FAM13A: variants seen among roughly 807,000 people sequenced by gnomAD.
FAM13A encodes the protein protein FAM13A.
In FAM13A, 76 loss-of-function variants were observed where a neutral mutation model predicts 129.6. That is an observed-to-expected ratio of 0.59 (90% confidence interval 0.49 to 0.71). The LOEUF is 0.71. Ranked by LOEUF, FAM13A falls within the 30% of genes least tolerant of loss-of-function variation. The pLI is 0.00. For missense variants in FAM13A, 1,108 were observed against 1,249.3 expected, an observed-to-expected ratio of 0.89 and a Z score of 1.70; for synonymous variants, 443 against 449.9, an observed-to-expected ratio of 0.98 and a Z score of 0.20.
At chr4:88,799,480 CTTTTT>C (rs58865037) in intron 8 of FAM13A, among the ~76,000 whole-genome samples, 112 of 147,410 alleles carry the variant, frequency 7.6e-4, no homozygotes, top group African/African-American at 1.4e-3. Flanking sequence ...AACAATTCCA[CTTTTT>C]TTTTTTTTTT....
intron 5 of FAM13A, among the ~76,000 whole-genome samples, chr4:88,921,969 G>A (rs1751177104): frequency 6.6e-6 from 1 of 151,862 alleles, no homozygotes; most frequent in Non-Finnish European, 1.5e-5. Flanking sequence ...ATTACATAAT[G>A]GTAAAGGGAT....
At chr4:88,887,791 C>T (rs1460092762) in intron 6 of FAM13A, among the ~76,000 whole-genome samples, 2 of 152,150 alleles carry the variant, frequency 1.3e-5, no homozygotes, top group Non-Finnish European at 2.9e-5. Context: ...CCTTGGCCTC[C>T]CAACGTGCTG....
At chr4:88,882,730 A>G (rs1028615463) in intron 6 of FAM13A, among the ~76,000 whole-genome samples, 2 of 152,166 alleles carry the variant, frequency 1.3e-5, no homozygotes, top group African/African-American at 4.8e-5. Context: ...GGCAGAATGG[A>G]TAAGAATTCA....
chr4:89,014,944 C>T (rs1766263716), intron 3 of FAM13A, among the ~76,000 whole-genome samples: 1 of 152,214 alleles, frequency 6.6e-6, no homozygotes, highest in African/African-American at 2.4e-5. Context: ...TATTTGTCTT[C>T]TTTCGAAAGC....
intron 19 of FAM13A, among the ~76,000 whole-genome samples, chr4:88,740,145 C>T (rs1739925117): frequency 2.0e-5 from 3 of 152,156 alleles, no homozygotes. Context: ...GCCATGGCTT[C>T]CTCTTTGCTC....
chr4:88,891,453 A>T (rs2150164965), intron 6 of FAM13A, among the ~76,000 whole-genome samples: 1 of 152,238 alleles, frequency 6.6e-6, no homozygotes, highest in East Asian at 1.9e-4. Context: ...AAAAAAGAAG[A>T]GGGACTCTCT....
At chr4:88,961,012 CT>C (rs1758527895) in intron 4 of FAM13A, among the ~76,000 whole-genome samples, 1 of 152,098 alleles carries the variant, frequency 6.6e-6, no homozygotes. Flanking sequence ...AAGAGGTGCC[CT>C]CTTACAGTTT....
intron 6 of FAM13A, among the ~76,000 whole-genome samples, chr4:88,858,703 C>T (rs974539903): frequency 6.6e-6 from 1 of 152,002 alleles, no homozygotes; most frequent in African/African-American, 2.4e-5. Context: ...TCCAGAGAGA[C>T]AAAAAATAGA....
At chr4:88,911,919 A>T (rs1039198782) in intron 5 of FAM13A, among the ~76,000 whole-genome samples, 1 of 152,160 alleles carries the variant, frequency 6.6e-6, no homozygotes, top group Non-Finnish European at 1.5e-5. Flanking sequence ...CTCACCTCCA[A>T]TTCATTCTTC....
chr4:89,056,029 G>C (rs1175523399), intron 1 of FAM13A, among the ~76,000 whole-genome samples: 1 of 152,118 alleles, frequency 6.6e-6, no homozygotes, highest in Non-Finnish European at 1.5e-5. Context: ...AAAAAAAGAG[G>C]ATCTGGCCTG....
chr4:88,801,171 A>G (rs1278181426), intron 8 of FAM13A, among the ~76,000 whole-genome samples: 2 of 152,342 alleles, frequency 1.3e-5, no homozygotes, highest in Admixed American at 6.5e-5. Flanking sequence ...GTGGCATGGT[A>G]TAATATTCAG....
At chr4:88,997,869 T>C (rs1763768135) in intron 3 of FAM13A, among the ~76,000 whole-genome samples, 1 of 152,172 alleles carries the variant, frequency 6.6e-6, no homozygotes, top group Admixed American at 6.6e-5. Flanking sequence ...TCCCTCTGCC[T>C]CATTAAACCT....
chr4:89,006,760 A>T (rs1765091481), intron 3 of FAM13A, among the ~76,000 whole-genome samples: 1 of 152,136 alleles, frequency 6.6e-6, no homozygotes, highest in South Asian at 2.1e-4. Flanking sequence ...TTTTTTATTA[A>T]GCAGTGGAAG....
At chr4:88,752,705 A>G (rs559646421) in intron 14 of FAM13A, among the ~76,000 whole-genome samples, 2 of 152,320 alleles carry the variant, frequency 1.3e-5, no homozygotes, top group African/African-American at 4.8e-5. Context: ...CGCCAACATA[A>G]AAGAATAAAA....
At chr4:88,957,739 A>G (rs1299081724) in intron 4 of FAM13A, among the ~76,000 whole-genome samples, 1 of 152,218 alleles carries the variant, frequency 6.6e-6, no homozygotes, top group Non-Finnish European at 1.5e-5. Context: ...AGAAATATGG[A>G]CGTTGAAGGT....
At chr4:88,869,745 T>C (rs143101613) in intron 6 of FAM13A, among the ~76,000 whole-genome samples, 71 of 152,370 alleles carry the variant, frequency 4.7e-4, no homozygotes, top group Admixed American at 1.4e-3. Flanking sequence ...TCTTGGATTC[T>C]AGTTCAATAC....
intron 4 of FAM13A, among the ~76,000 whole-genome samples, chr4:88,941,616 C>G (rs558398495): frequency 6.6e-6 from 1 of 152,328 alleles, no homozygotes; most frequent in Admixed American, 6.5e-5. Context: ...ATGAAGGTTA[C>G]TGATGTCTCT....
chr4:88,941,679 T>TG (rs1754778970), intron 4 of FAM13A, among the ~76,000 whole-genome samples: 1 of 152,162 alleles, frequency 6.6e-6, no homozygotes, highest in Non-Finnish European at 1.5e-5. Context: ...CTTTAAGTGG[T>TG]GGGGGGTGGG....
intron 4 of FAM13A, among the ~76,000 whole-genome samples, chr4:88,939,976 T>G (rs115467385): frequency 0.014 from 2,065 of 152,260 alleles, 52 homozygotes; most frequent in African/African-American, 0.046. Context: ...TACTGTGAAT[T>G]TGGCACAGTA....
Sources: allele counts gnomAD v4.1 joint callset (sites outside exome capture counted in the v4.1 genomes callset), GRCh38; gene constraint gnomAD v4.1.1; transcripts MANE v1.5; gene names NCBI Gene and HGNC (gene_info 2026-07-23, HGNC 2026-07-21).